Variants in PRKCH observed in about 807,000 individuals in gnomAD.
PRKCH encodes protein kinase C eta type.
Under a neutral mutation model 82.5 loss-of-function variants are expected in PRKCH, and 28 were observed. The ratio of observed to expected loss-of-function variants is 0.34; its 90% CI spans 0.25 to 0.47. The LOEUF (loss-of-function observed/expected upper bound fraction) is 0.47. PRKCH is among the 20% of genes least tolerant of loss of function. The probability of loss-of-function intolerance (pLI) is 1.00; values close to 1 mark genes in which losing one functional copy is unlikely to be tolerated. For missense variants in PRKCH, 705 were observed against 881.8 expected, an observed-to-expected ratio of 0.80 and a Z score of 2.54; for synonymous variants, 322 against 327.4, an observed-to-expected ratio of 0.98 and a Z score of 0.18.
At chr14:61,207,105 T>C (rs1230821084) in intron 1 of PRKCH, among the ~76,000 whole-genome samples, 1 of 19,466 alleles carries the variant, frequency 5.1e-5, no homozygotes, top group Non-Finnish European at 8.5e-5. Flanking sequence ...AAACTCCATC[T>C]CAAAAAAAAA....
chr14:61,327,166 T>C (rs1239295194), intron 1 of PRKCH: 1 of 455,088 alleles, frequency 2.2e-6, no homozygotes, highest in African/African-American at 2.0e-5. Flanking sequence ...CCTCTTTCTC[T>C]CAATTTCTCA....
intron 1 of PRKCH, chr14:61,344,405 G>A (rs1222655617): frequency 6.6e-6 from 1 of 152,236 alleles, no homozygotes; most frequent in African/African-American, 2.4e-5. Context: ...AAAATAAACT[G>A]TTGAGTGCCA....
intron 2 of PRKCH, among the ~76,000 whole-genome samples, chr14:61,413,681 C>T (rs942450796): frequency 5.3e-5 from 8 of 152,024 alleles, no homozygotes; most frequent in African/African-American, 1.7e-4. Context: ...TAAACATGGC[C>T]AGGCCTCCTC....
At chr14:61,422,671 T>G (rs1882904282) in intron 2 of PRKCH, among the ~76,000 whole-genome samples, 1 of 152,222 alleles carries the variant, frequency 6.6e-6, no homozygotes, top group Admixed American at 6.5e-5. Context: ...GCTTTTGTAT[T>G]TTAACCGTCT....
intron 1 of PRKCH, among the ~76,000 whole-genome samples, chr14:61,315,214 C>T (rs1461034596): frequency 6.6e-6 from 1 of 152,130 alleles, no homozygotes; most frequent in African/African-American, 2.4e-5. Context: ...CCACTCTCTC[C>T]TGCTTGCTGA....
At chr14:61,316,936 G>C (rs74872551), upstream of PRKCH, among the ~76,000 whole-genome samples, 4,235 of 152,264 alleles carry the variant, frequency 0.028, 106 homozygotes, top group East Asian at 0.066. Context: ...ACCAACAGGT[G>C]ATGAGAGGGG....
At chr14:61,201,000 A>G (rs71416094) in intron 1 of PRKCH, among the ~76,000 whole-genome samples, 1 of 152,170 alleles carries the variant, frequency 6.6e-6, no homozygotes, top group Admixed American at 6.5e-5. Flanking sequence ...GTCAGAAAAT[A>G]CAAAAAATCA....
chr14:61,333,755 G>C (rs961044831), intron 1 of PRKCH, among the ~76,000 whole-genome samples: 4 of 152,142 alleles, frequency 2.6e-5, no homozygotes, highest in Non-Finnish European at 4.4e-5. Context: ...GGTATCTTTT[G>C]TTAATATAAA....
chr14:61,372,607 T>C (rs956011377), intron 1 of PRKCH, among the ~76,000 whole-genome samples: 2 of 152,040 alleles, frequency 1.3e-5, no homozygotes, highest in Admixed American at 1.3e-4. Flanking sequence ...TTATGTGAAA[T>C]TCGTTATGTA....
intron 1 of PRKCH, among the ~76,000 whole-genome samples, chr14:61,257,604 GAC>G (rs796604363): frequency 0.025 from 1,373 of 55,290 alleles, 18 homozygotes; most frequent in African/African-American, 0.08. Context: ...GTCACACACA[GAC>G]ACACACACAC....
intron 2 of PRKCH, among the ~76,000 whole-genome samples, chr14:61,420,185 G>GTA (rs1882762605): frequency 6.6e-6 from 1 of 152,112 alleles, no homozygotes; most frequent in East Asian, 1.9e-4. Flanking sequence ...CTCTGTACGT[G>GTA]TGTGTGTGCG....
chr14:61,189,624 T>A (rs952484174), intron 1 of PRKCH, among the ~76,000 whole-genome samples: 3 of 151,404 alleles, frequency 2.0e-5, no homozygotes, highest in African/African-American at 7.3e-5. Flanking sequence ...CCTTTCTTCC[T>A]CCCTTTCTCT....
intron 1 of PRKCH, among the ~76,000 whole-genome samples, chr14:61,199,016 C>A (rs751689910): frequency 1.3e-5 from 2 of 152,060 alleles, no homozygotes; most frequent in Non-Finnish European, 2.9e-5. Flanking sequence ...TCCCACCAAG[C>A]TTACACACAA....
Position 61,538,253 on chromosome 14 carries a change from C to G in PRKCH, c.1761+7658C>G, listed in dbSNP as rs140549060. The stretch of plus-strand genomic sequence containing the variant: ...AGTGGTTAACATGCAACCTGGCAGA[C>G]TGTTGCCAGGACTGGAATACCTGTC... On this transcript the variant is annotated intron_variant, in intron 12 of 13. Transcript: ENST00000332981. 5.9e-5 allele frequency among the ~76,000 whole-genome samples: 9 copies of G among 152,324 alleles called. No individual in the cohort carries two copies. In the East Asian group the frequency reaches 1.7e-3, roughly 29 times the overall value.
intron 1 of PRKCH, among the ~76,000 whole-genome samples, chr14:61,235,688 C>A (rs1447974944): frequency 6.6e-6 from 1 of 152,222 alleles, no homozygotes; most frequent in Non-Finnish European, 1.5e-5. Context: ...ACTAACCCTC[C>A]TATAAACTTT....
chr14:61,530,313 G>A, intron 11 of PRKCH, 94 bp from the exon 12 acceptor site: 6 of 1,318,282 alleles, frequency 4.6e-6, no homozygotes, highest in Non-Finnish European at 6.1e-6. Flanking sequence ...AAAAAACTTT[G>A]ATATTTCCTA....
At chr14:61,230,311 T>C (rs1349659592) in intron 1 of PRKCH, among the ~76,000 whole-genome samples, 1 of 152,164 alleles carries the variant, frequency 6.6e-6, no homozygotes, top group African/African-American at 2.4e-5. Flanking sequence ...CAGTTTTTGG[T>C]CTCGATGTCA....
chr14:61,509,422 T>A (rs1250730520), intron 10 of PRKCH, among the ~76,000 whole-genome samples: 3 of 152,184 alleles, frequency 2.0e-5, no homozygotes, highest in Non-Finnish European at 4.4e-5. Flanking sequence ...CCTGGGCATC[T>A]GCTTTGTGCT....
intron 1 of PRKCH, among the ~76,000 whole-genome samples, chr14:61,268,230 G>T (rs1038671009): frequency 6.6e-5 from 10 of 152,188 alleles, no homozygotes; most frequent in Non-Finnish European, 1.5e-4. Flanking sequence ...ATTGTGAGAA[G>T]CCAAGACTTT....
Sources: allele counts gnomAD v4.1 joint callset (sites outside exome capture counted in the v4.1 genomes callset), GRCh38; gene constraint gnomAD v4.1.1; transcripts MANE v1.5; gene names NCBI Gene and HGNC (gene_info 2026-07-23, HGNC 2026-07-21).